The following COL16A1 variants were observed in gnomAD, a reference collection of about 807,000 sequenced individuals.
The protein encoded by COL16A1 is collagen alpha-1(XVI) chain.
In COL16A1, 189 loss-of-function variants were observed where a neutral mutation model predicts 266.3. The observed-to-expected ratio is 0.71, with a 90% CI of 0.63 to 0.80. The LOEUF is 0.80. Among genes scored for constraint, COL16A1 ranks in the 30% least tolerant of loss-of-function variants. COL16A1 has a pLI of 0.00. For synonymous variants in COL16A1, 740 were observed against 782.3 expected (o/e 0.95, Z 0.90); for missense variants, 1,928 against 2,122.4 (o/e 0.91, Z 1.80).
chr1:31,673,650 G>A lies in COL16A1; in HGVS notation c.2860-810C>T, dbSNP rs746956745. Among the ~76,000 whole-genome samples, 5 of 152,380 alleles carry A rather than the reference G, an allele frequency of 3.3e-5. No individual in the cohort carries two copies. In the South Asian group the frequency reaches 6.2e-4, roughly 19 times the overall value. Reference sequence around the variant, plus strand: ...GCACATTATCACATGCCATCTTGACGGCGCAGTGAGACAGGGAATCTTATA... The same window carrying A: ...GCACATTATCACATGCCATCTTGACAGCGCAGTGAGACAGGGAATCTTATA... On this transcript the variant is annotated intron_variant, in intron 44 of 70. Coordinates refer to ENST00000373672, the MANE Select transcript of COL16A1 (RefSeq NM_001856.4).
rs60364385 is a variant in COL16A1, at chr1:31,658,418, C to T, written c.4020+70G>A. The stretch of plus-strand genomic sequence containing the variant: ...CCTTAGAGACCCCAGATATGTTGTG[C>T]TGTGCTCAACAGGCCTTGAGCCAAT... On this transcript the variant is annotated intron_variant, in intron 64 of 70. Coordinates refer to ENST00000373672, the MANE Select transcript of COL16A1 (RefSeq NM_001856.4). The T allele has an allele frequency of 7.8e-3, 10,068 of 1,284,044 alleles. 559 individuals are homozygous for T. The African/African-American group carries it at 0.13, about 16-fold the overall frequency. The allele number at this position is 1,284,044 out of a possible 1,614,324, so 79.5% of individuals were successfully genotyped here. A position where few individuals can be genotyped will look rare whatever the true frequency, so the allele number is the denominator to read the frequency against.
chr1:31,689,695 T>C (rs766708426), intron 23 of COL16A1, 46 bp downstream of exon 23: 4 of 1,486,112 alleles, frequency 2.7e-6, no homozygotes, highest in Non-Finnish European at 3.8e-6. Flanking sequence ...CCCAGGTTTC[T>C]TTGTGTGTTG....
intron 44 of COL16A1, among the ~76,000 whole-genome samples, chr1:31,674,142 C>G (rs919176070): frequency 6.6e-6 from 1 of 152,156 alleles, no homozygotes; most frequent in Non-Finnish European, 1.5e-5. Flanking sequence ...GGGTAGACAG[C>G]CCCCATGCTC....
At position 31,675,297 on chromosome 1, in the gene COL16A1, G is replaced by T. The variant is rs1321808199; in HGVS notation, c.2787C>A (p.Asn929Lys). 6.2e-7 allele frequency: 1 copy of T among 1,614,120 alleles called. No individual in the cohort carries two copies. The highest frequency in any genetic ancestry group is 8.5e-7 in the Non-Finnish European group (1 of 1,180,012). ...GVPGLQGVPGNNGLPGQPGLT... is the reference protein window; with the variant it reads ...GVPGLQGVPGKNGLPGQPGLT... ...GCCCAGGCTGTCCTGGCAAACCGTT[G>T]TTTCCAGGCACTCCCTGTAGCCAAG... Residue 929 changes from asparagine to lysine, a missense_variant, in exon 43 of 71, where the codon AAC becomes AAA. Asn to Lys is a moderately conservative substitution (Grantham distance 94). Around this residue, in one of 2 missense-constraint regions of COL16A1, gnomAD observed 1,552 missense variants for 1,637.2 expected, o/e 0.95. Transcript: ENST00000373672.
intron 29 of COL16A1, 132 bp from the exon 30 acceptor site, chr1:31,684,988 C>T: frequency 6.4e-7 from 1 of 1,551,262 alleles, no homozygotes; most frequent in Non-Finnish European, 8.7e-7. Context: ...GTGAAGCAAT[C>T]TTGCCCAGGT....
chr1:31,684,971 C>T (rs746210715), intron 29 of COL16A1, 115 bp from the exon 30 acceptor site: 17 of 1,582,646 alleles, frequency 1.1e-5, no homozygotes, highest in African/African-American at 6.7e-5. Flanking sequence ...TCTCTGCTTT[C>T]GTGCTAGTGA....
intron 42 of COL16A1, 171 bp downstream of exon 42, chr1:31,679,461 G>A: frequency 6.2e-7 from 1 of 1,608,462 alleles, no homozygotes; most frequent in Non-Finnish European, 8.5e-7. Context: ...TGGCCTAGAG[G>A]CTCAGTGGGC....
rs1438058644 is a variant in COL16A1 at position 31,652,498 on chromosome 1, G to A, written c.*153C>T. ...GGAACCCACTGGAAGGGAAAGGGCA[G>A]ATAGTTTTGTTTCTTTATTATTTAA... On this transcript the variant is annotated 3_prime_UTR_variant, in exon 71 of 71. Transcript: ENST00000373672. The surrounding 1 kb of genome is among the most constrained non-coding windows in gnomAD (Gnocchi z 4.8). 2.2e-6 allele frequency: 2 copies of A among 927,126 alleles called. No individual in the cohort carries two copies. 57.4% of individuals were successfully genotyped at this position (927,126 alleles called of 1,614,324 possible).
chr1:31,681,192 G>C, intron 37 of COL16A1, 125 bp from the exon 38 acceptor site: 1 of 1,344,776 alleles, frequency 7.4e-7, no homozygotes, highest in South Asian at 1.5e-5. Flanking sequence ...CCAGGGCCGA[G>C]GGCCCACGTT....
intron 61 of COL16A1, 118 bp downstream of exon 61, chr1:31,660,948 G>T (rs1401628123): frequency 1.7e-6 from 2 of 1,174,424 alleles, no homozygotes; most frequent in East Asian, 2.6e-5. Flanking sequence ...ACCCCTCCCA[G>T]AAGGCTGAGG....
chr1:31,676,973 C>G (rs1643240148), intron 42 of COL16A1, among the ~76,000 whole-genome samples: 1 of 152,260 alleles, frequency 6.6e-6, no homozygotes, highest in African/African-American at 2.4e-5. Context: ...CTGGGTCAGA[C>G]CCGGAGCCAG....
At chr1:31,662,939 G>A in intron 56 of COL16A1, 1 of 550,734 alleles carries the variant, frequency 1.8e-6, no homozygotes, top group Non-Finnish European at 3.2e-6. Context: ...GGCATGGCAG[G>A]GGCTCAGTAG....
chr1:31,699,823 G>T lies in COL16A1; in HGVS notation c.256C>A (p.Gln86Lys), dbSNP rs758063188. 1.2e-6 allele frequency: 2 copies of T among 1,606,250 alleles called. No homozygotes were observed. Among genetic ancestry groups the T allele is most frequent in the African/African-American group, 2.7e-5 (2 of 74,914 alleles). The change falls in exon 4 of 71, where the codon CAG becomes AAG. Residue 86 changes from glutamine (Q) to lysine (K), a missense_variant. By Grantham distance (53) the Gln-to-Lys change is moderately conservative (BLOSUM62 1). This residue lies in a region of COL16A1 where 1,552 missense variants were observed against 1,637.2 expected (regional missense o/e 0.95). Transcript: ENST00000373672. ...CATGGATGCATTTACCGCGTGGGCT[G>T]GGTCACGGGGGCCGCCCCCAGGCGC... ...ILRLGAAPVT[Q>K]PTRRVFPRGL...
Position 31,653,695 on chromosome 1 carries a change from A to G in COL16A1, c.4535-19T>C, listed in dbSNP as rs1204579432. The G allele has an allele frequency of 2.5e-6, 4 of 1,610,980 alleles. No individual in the cohort carries two copies. Among genetic ancestry groups the G allele is most frequent in the Non-Finnish European group, 1.7e-6 (2 of 1,178,296 alleles). On this transcript the variant is annotated intron_variant, in intron 69 of 70. Coordinates refer to ENST00000373672, the MANE Select transcript of COL16A1 (RefSeq NM_001856.4). ...GGCAATCCTGGAACAAAAGAAATAA[A>G]TAAGTCCTATCCCTGAGCAGAAAAA...
In COL16A1 at chr1:31,662,667, C is replaced by A. The variant is rs1317554970; in HGVS notation, c.3556-9G>T. 2.0e-6 allele frequency: 3 copies of A among 1,526,428 alleles called. No homozygotes were observed. In the South Asian group the frequency reaches 3.7e-5, roughly 19 times the overall value. 94.6% of individuals were successfully genotyped at this position (1,526,428 alleles called of 1,614,324 possible). ...CGAATCCCTTCGCTGCCCTGGAAAC[C>A]AGCGCCGCCCCCCCCCCCCGCCCCA... is the stretch of plus-strand genomic sequence containing the variant. On this transcript the variant is annotated splice_polypyrimidine_tract_variant and intron_variant, in intron 56 of 70. Coordinates refer to ENST00000373672, the MANE Select transcript of COL16A1 (RefSeq NM_001856.4).
Position 31,696,074 on chromosome 1 carries a change from AC to A in COL16A1, c.918+13del. 1.9e-6 allele frequency: 2 copies of A among 1,064,464 alleles called. No homozygotes were observed. Among genetic ancestry groups the A allele is most frequent in the Non-Finnish European group, 2.7e-6 (2 of 745,926 alleles). The allele number at this position is 1,064,464 out of a possible 1,614,324, so 65.9% of individuals were successfully genotyped here. ...TGAGGGCAGGTAGGCTCCTCCCCCCACCCCCACCTCTACCTTTGCTCCCCTT... is the reference window on the plus strand; with the variant it reads ...TGAGGGCAGGTAGGCTCCTCCCCCCACCCCACCTCTACCTTTGCTCCCCTT... On this transcript the variant is annotated intron_variant, in intron 9 of 70. Transcript: ENST00000373672.
intron 31 of COL16A1, 104 bp from the exon 32 acceptor site, chr1:31,684,335 G>A (rs1198363276): frequency 8.3e-6 from 12 of 1,444,846 alleles, no homozygotes; most frequent in African/African-American, 2.9e-5. Flanking sequence ...ATGCTCCCAC[G>A]TCAGCCTGGG....
chr1:31,682,786 G>T, intron 37 of COL16A1, 148 bp downstream of exon 37: 1 of 947,608 alleles, frequency 1.1e-6, no homozygotes, highest in East Asian at 2.5e-5. Flanking sequence ...AAAGAGTGAG[G>T]TTTTCCTTGT....
chr1:31,688,781 G>A lies in COL16A1; in HGVS notation c.1767+80C>T, dbSNP rs200530898. On this transcript the variant is annotated intron_variant, in intron 25 of 70. Transcript: ENST00000373672. This position sits in a 1 kb window ranked among gnomAD's most constrained non-coding sequence, Gnocchi z 4.9. ...CCTCCTGATCCCTGCCCTGAGACTT[G>A]GGATCTGAAAAGCCAGGGAGATCAA... The A allele has an allele frequency of 1.4e-5, 20 of 1,425,996 alleles. No homozygotes were observed. In the East Asian group the frequency reaches 4.7e-4, roughly 33 times the overall value. 88.3% of individuals were successfully genotyped at this position (1,425,996 alleles called of 1,614,324 possible).
Sources: gnomAD v4.1 joint callset for allele counts (sites outside exome capture counted in the v4.1 genomes callset) on GRCh38, gnomAD v4.1.1 for gene constraint, gnomAD v4.1.1 regional missense constraint, Gnocchi (gnomAD v3.1) non-coding constraint, MANE v1.5 for transcripts, NCBI Gene and HGNC (gene_info 2026-07-23, HGNC 2026-07-21) for gene names.